The following UGT2B7 variants were observed in gnomAD, a reference collection of about 807,000 sequenced individuals.
UGT2B7 encodes UDP-glucuronosyltransferase 2B7.
Under a neutral mutation model 51.9 loss-of-function variants are expected in UGT2B7, and 51 were observed. The ratio of observed to expected loss-of-function variants is 0.98; its 90% CI spans 0.78 to 1.24. UGT2B7 has a LOEUF of 1.24. UGT2B7 is among the 50% of genes most tolerant of loss of function. The pLI is 0.00. For synonymous variants in UGT2B7, 225 were observed against 211.6 expected (o/e 1.06, Z -0.55); for missense variants, 727 against 628.4 (o/e 1.16, Z -1.68).
At chr4:69,107,823 C>A (rs1419829158) in intron 4 of UGT2B7, among the ~76,000 whole-genome samples, 3 of 152,088 alleles carry the variant, frequency 2.0e-5, no homozygotes, top group Non-Finnish European at 1.5e-5. Context: ...ATGCCTATCT[C>A]TTTGCTGTCT....
rs537912245 is a variant in UGT2B7, at chr4:69,071,693, A to G, written c.-158-17779A>G. Among the ~76,000 whole-genome samples, 84 of 152,228 alleles carry G rather than the reference A, an allele frequency of 5.5e-4. 2 individuals carry two copies. The South Asian group carries it at 0.017, about 31-fold the overall frequency. ...ATAATTGATAATAAAATGAATTATTATAATGTCTAGAAAAGAGATATACAC... is the reference window on the plus strand; with the variant it reads ...ATAATTGATAATAAAATGAATTATTGTAATGTCTAGAAAAGAGATATACAC... On this transcript the variant is annotated intron_variant, in intron 1 of 5. Coordinates refer to the UGT2B7 transcript ENST00000502942.
At chr4:69,070,216 T>TTA (rs200385797) in intron 1 of UGT2B7, among the ~76,000 whole-genome samples, 4,909 of 147,808 alleles carry the variant, frequency 0.033, 117 homozygotes, top group Middle Eastern at 0.12. Flanking sequence ...ACCTCTTCTT[T>TTA]TATATATATA....
upstream of UGT2B7, among the ~76,000 whole-genome samples, chr4:69,093,720 A>C (rs531020631): frequency 8.5e-5 from 13 of 152,286 alleles, no homozygotes; most frequent in East Asian, 2.5e-3. Flanking sequence ...TCTGTGAAAG[A>C]AGCATGTTAT....
chr4:69,098,122 A>C (rs1489628759), intron 1 of UGT2B7, among the ~76,000 whole-genome samples: 2 of 152,036 alleles, frequency 1.3e-5, no homozygotes, highest in Non-Finnish European at 2.9e-5. Context: ...TGTGTAAACT[A>C]GACTATTTCT....
At chr4:69,110,044 AAAC>A (rs1719727794) in intron 5 of UGT2B7, among the ~76,000 whole-genome samples, 1 of 152,106 alleles carries the variant, frequency 6.6e-6, no homozygotes, top group Non-Finnish European at 1.5e-5. Context: ...CACTCAATCT[AAAC>A]AGACTTTAGA....
intron 3 of UGT2B7, 125 bp from the exon 4 acceptor site, chr4:69,107,050 T>G: frequency 9.6e-7 from 1 of 1,045,524 alleles, no homozygotes; most frequent in Non-Finnish European, 1.4e-6. Flanking sequence ...TCTATTTACA[T>G]TAGTCTTTGA....
chr4:69,110,595 A>C (rs1259298543), intron 5 of UGT2B7, among the ~76,000 whole-genome samples: 1 of 152,158 alleles, frequency 6.6e-6, no homozygotes, highest in Non-Finnish European at 1.5e-5. Context: ...ACAGCAATGG[A>C]ATTACCCAAC....
At chr4:69,107,038 A>G (rs1480516454) in intron 3 of UGT2B7, 137 bp from the exon 4 acceptor site, 1 of 939,202 alleles carries the variant, frequency 1.1e-6, no homozygotes, top group Non-Finnish European at 1.5e-6. Context: ...TAATGTGAGT[A>G]TTCTATTTAC....
chr4:69,109,231 A>C (rs953676881), intron 5 of UGT2B7, among the ~76,000 whole-genome samples: 1 of 152,080 alleles, frequency 6.6e-6, no homozygotes, highest in Non-Finnish European at 1.5e-5. Flanking sequence ...TTGCATAAAC[A>C]TGTTTTCCTT....
In UGT2B7 at chr4:69,108,120, G is replaced by A; in HGVS notation, c.1108G>A (p.Ala370Thr). ...NDLLGHPKTR[A>T]FITHGGANGI... ...AATCCTAGGTCATCCAAAGACCAGA[G>A]CTTTTATAACTCATGGTGGAGCCAA... is the stretch of plus-strand genomic sequence containing the variant. Residue 370 changes from alanine to threonine, a missense_variant, in exon 5 of 6, where the codon GCT (alanine) becomes ACT (threonine). Transcript: ENST00000305231. 2 of 1,613,534 alleles carry A rather than the reference G, an allele frequency of 1.2e-6. No individual in the cohort carries two copies. Among genetic ancestry groups the A allele is most frequent in the South Asian group, 2.2e-5 (2 of 91,066 alleles).
chr4:69,109,145 A>C (rs1719699439), intron 5 of UGT2B7, among the ~76,000 whole-genome samples: 1 of 151,588 alleles, frequency 6.6e-6, no homozygotes, highest in African/African-American at 2.4e-5. Flanking sequence ...GTCATATTTT[A>C]GTTGTTCACT....
At chr4:69,061,154 TTA>T (rs963300671) in intron 1 of UGT2B7, among the ~76,000 whole-genome samples, 22 of 152,336 alleles carry the variant, frequency 1.4e-4, no homozygotes, top group African/African-American at 5.3e-4. Context: ...CTGATAGGTC[TTA>T]TAAGAGCTCT....
At chr4:69,089,059 T>C (rs764601542) in intron 1 of UGT2B7, among the ~76,000 whole-genome samples, 10 of 152,148 alleles carry the variant, frequency 6.6e-5, no homozygotes, top group Non-Finnish European at 1.0e-4. Context: ...GAATTCAGTG[T>C]GGCTTTTTGT....
intron 2 of UGT2B7, among the ~76,000 whole-genome samples, chr4:69,100,917 T>C (rs1189527734): frequency 2.0e-5 from 3 of 152,120 alleles, no homozygotes; most frequent in Admixed American, 6.6e-5. Flanking sequence ...TAAAAATGAA[T>C]ATTGCTATCA....
At chr4:69,096,123 G>A (rs1243137778), upstream of UGT2B7, among the ~76,000 whole-genome samples, 1 of 152,104 alleles carries the variant, frequency 6.6e-6, no homozygotes, top group Non-Finnish European at 1.5e-5. Flanking sequence ...TGTCAACAAA[G>A]TTTACAAAAA....
Position 69,098,532 on chromosome 4 carries a change from C to G in UGT2B7, c.722-8C>G. On this transcript the variant is annotated splice_polypyrimidine_tract_variant and splice_region_variant and intron_variant, in intron 1 of 5. Transcript: ENST00000305231. ...GTCATCCACCTTTTTTTTTTCTATT[C>G]CTGTCAGGAAGACCCACTACATTAT... 1 of 1,558,792 alleles carries G rather than the reference C, an allele frequency of 6.4e-7. No homozygotes were observed. The highest frequency in any genetic ancestry group is 8.6e-7 in the Non-Finnish European group (1 of 1,161,856).
At chr4:69,070,074 C>T (rs181259013) in intron 1 of UGT2B7, among the ~76,000 whole-genome samples, 213 of 151,582 alleles carry the variant, frequency 1.4e-3, no homozygotes, top group Non-Finnish European at 2.0e-3. Flanking sequence ...TTTCAGAAAA[C>T]CTGTAATAAT....
chr4:69,096,477 A>G lies in UGT2B7; in HGVS notation c.-44A>G. The G allele has an allele frequency of 6.2e-7, 1 of 1,608,534 alleles. No individual in the cohort carries two copies. Among genetic ancestry groups the G allele is most frequent in the East Asian group, 2.2e-5 (1 of 44,852 alleles). Reference sequence around the variant, plus strand: ...TTTGGACATAACCATGAGAAATGACAGAAAGGAACAGCAACTGGAAAACAA... The same window carrying G: ...TTTGGACATAACCATGAGAAATGACGGAAAGGAACAGCAACTGGAAAACAA... On this transcript the variant is annotated 5_prime_UTR_variant, in exon 1 of 6. Coordinates refer to ENST00000305231, the MANE Select transcript of UGT2B7 (RefSeq NM_001074.4).
intron 1 of UGT2B7, among the ~76,000 whole-genome samples, chr4:69,058,204 A>G (rs556424807): frequency 1.3e-5 from 2 of 152,326 alleles, no homozygotes; most frequent in African/African-American, 2.4e-5. Context: ...CAGTTTTGCA[A>G]GAACCACTGG....
Sources: gnomAD v4.1 joint callset for allele counts (sites outside exome capture counted in the v4.1 genomes callset) on GRCh38, gnomAD v4.1.1 for gene constraint, MANE v1.5 for transcripts, NCBI Gene and HGNC (gene_info 2026-07-23, HGNC 2026-07-21) for gene names.